CACNA1C: variants seen among roughly 807,000 people sequenced by gnomAD.
CACNA1C encodes calcium voltage-gated channel subunit alpha1 C, also known as voltage-dependent L-type calcium channel subunit alpha-1C.
Under a neutral mutation model 229.0 loss-of-function variants are expected in CACNA1C, and 30 were observed. That is an observed-to-expected ratio of 0.13 (90% confidence interval 0.10 to 0.18). The LOEUF (loss-of-function observed/expected upper bound fraction) is 0.18. Among genes scored for constraint, CACNA1C ranks in the 10% least tolerant of loss-of-function variants. The probability of loss-of-function intolerance (pLI) is 1.00; values close to 1 mark genes in which losing one functional copy is unlikely to be tolerated. For missense variants in CACNA1C, 1,658 were observed against 2,845.0 expected (o/e 0.58, Z 9.49); for synonymous variants, 1,114 against 1,132.5 (o/e 0.98, Z 0.33).
intron 9 of CACNA1C, among the ~76,000 whole-genome samples, chr12:2,521,625 C>T (rs886108018): frequency 1.3e-5 from 2 of 152,196 alleles, no homozygotes; most frequent in Non-Finnish European, 2.9e-5. Flanking sequence ...GATACAAAGC[C>T]GCCTTCCTCT....
chr12:1,974,530 T>C (rs893033020), intron 1 of CACNA1C, among the ~76,000 whole-genome samples: 3 of 152,174 alleles, frequency 2.0e-5, no homozygotes, highest in Non-Finnish European at 4.4e-5. Flanking sequence ...TTCTTCCTGA[T>C]TGACTACTTG....
chr12:2,297,776 CTG>C (rs933432799), intron 3 of CACNA1C, among the ~76,000 whole-genome samples: 37 of 152,208 alleles, frequency 2.4e-4, no homozygotes, highest in African/African-American at 8.7e-4. Flanking sequence ...ATACTTAAGT[CTG>C]TAATGTGCAT....
chr12:2,611,837 A>C, intron 28 of CACNA1C, 66 bp from the exon 29 acceptor site: 1 of 1,020,244 alleles, frequency 9.8e-7, no homozygotes, highest in Non-Finnish European at 1.5e-6. Context: ...AAGGCTGGGC[A>C]AAAGGTGGGG....
intron 3 of CACNA1C, among the ~76,000 whole-genome samples, chr12:2,268,715 A>G (rs139723049): frequency 1.1e-4 from 16 of 152,294 alleles, no homozygotes; most frequent in African/African-American, 2.4e-4. Flanking sequence ...GGGCTCCCCA[A>G]TGCTGAAGGT....
intron 3 of CACNA1C, among the ~76,000 whole-genome samples, chr12:2,266,135 C>G (rs2082307098): frequency 6.6e-6 from 1 of 152,228 alleles, no homozygotes; most frequent in Non-Finnish European, 1.5e-5. Context: ...ATGTGCCCAT[C>G]ATTGGGCAAA....
chr12:2,260,527 G>A (rs2079706126), intron 3 of CACNA1C, among the ~76,000 whole-genome samples: 4 of 144,726 alleles, frequency 2.8e-5, no homozygotes, highest in Admixed American at 2.7e-4. Context: ...AGAAAGAAAA[G>A]AAAGAAGAGA....
intron 10 of CACNA1C, among the ~76,000 whole-genome samples, chr12:2,553,239 G>A (rs1357641478): frequency 2.6e-5 from 4 of 152,180 alleles, no homozygotes; most frequent in African/African-American, 9.6e-5. Context: ...GGGGTGGGGG[G>A]CGGAAACCAC....
rs576728245 is a variant in CACNA1C, at chr12:2,282,191, C to T, written c.477+161761C>T. Among the ~76,000 whole-genome samples the T allele has an allele frequency of 5.3e-5, 8 of 152,266 alleles. No individual in the cohort carries two copies. In the South Asian group the frequency reaches 1.5e-3, roughly 28 times the overall value. On this transcript the variant is annotated intron_variant, in intron 3 of 46. Transcript: ENST00000399655. Reference sequence around the variant, plus strand: ...AAAGCCAAACTACCGATTGGAGATTCTGGAGGGAGGGAACACAGGGGGTGA... The same window carrying T: ...AAAGCCAAACTACCGATTGGAGATTTTGGAGGGAGGGAACACAGGGGGTGA...
intron 3 of CACNA1C, among the ~76,000 whole-genome samples, chr12:2,390,846 C>T (rs554678707): frequency 2.0e-5 from 3 of 152,202 alleles, no homozygotes; most frequent in South Asian, 2.1e-4. Context: ...TCTCTTTTTG[C>T]GTGAGTGCAA....
intron 3 of CACNA1C, among the ~76,000 whole-genome samples, chr12:2,249,623 C>T (rs904095263): frequency 1.3e-5 from 2 of 152,158 alleles, no homozygotes; most frequent in African/African-American, 2.4e-5. Flanking sequence ...GTGAAGTGGG[C>T]ACACAGAGGT....
intron 1 of CACNA1C, among the ~76,000 whole-genome samples, chr12:1,977,534 G>T (rs565056302): frequency 6.6e-6 from 1 of 152,276 alleles, no homozygotes; most frequent in African/African-American, 2.4e-5. Flanking sequence ...TGCGAATTTT[G>T]TTAAGTACAC....
chr12:2,564,040 C>T (rs1322804922), intron 11 of CACNA1C, among the ~76,000 whole-genome samples: 2 of 152,200 alleles, frequency 1.3e-5, no homozygotes, highest in African/African-American at 2.4e-5. Flanking sequence ...GAGAAACGGA[C>T]TCATGCCATG....
At chr12:2,192,813 T>C (rs1170392104) in intron 3 of CACNA1C, among the ~76,000 whole-genome samples, 2 of 150,482 alleles carry the variant, frequency 1.3e-5, no homozygotes, top group Middle Eastern at 3.2e-3. Flanking sequence ...GTGATACGTG[T>C]AGTGTGTGAT....
rs111383220 is a variant in CACNA1C, at chr12:2,215,892, A to G, written c.477+95462A>G. 3.9e-5 allele frequency among the ~76,000 whole-genome samples: 6 copies of G among 152,330 alleles called. No homozygotes were observed. Among genetic ancestry groups the G allele is most frequent in the African/African-American group, 1.4e-4 (6 of 41,568 alleles). ...GCCCTGCTGCCACCAGTGTGACATC[A>G]GCCGTGGTTGTGAAATTTCTGACAA... On this transcript the variant is annotated intron_variant, in intron 3 of 46. Transcript: ENST00000399655. This position sits in a 1 kb window ranked among gnomAD's most constrained non-coding sequence, Gnocchi z 5.0.
intron 3 of CACNA1C, among the ~76,000 whole-genome samples, chr12:2,185,533 A>G (rs1450368981): frequency 6.6e-6 from 1 of 152,212 alleles, no homozygotes; most frequent in Middle Eastern, 3.2e-3. Flanking sequence ...GCCTACTCCA[A>G]TATGATTGGA....
intron 3 of CACNA1C, among the ~76,000 whole-genome samples, chr12:2,303,089 A>T (rs1592171494): frequency 6.6e-6 from 1 of 152,226 alleles, no homozygotes; most frequent in Non-Finnish European, 1.5e-5. Context: ...CCTGGTCGGG[A>T]CCATGTTCCC....
chr12:2,682,492 A>T (rs1305563727), intron 42 of CACNA1C, 58 bp from the exon 43 acceptor site: 2 of 1,588,578 alleles, frequency 1.3e-6, no homozygotes, highest in Non-Finnish European at 1.7e-6. Flanking sequence ...TTACTTGCTG[A>T]AGGAAGTGGA....
chr12:2,109,212 C>G (rs2080580777), intron 1 of CACNA1C, among the ~76,000 whole-genome samples: 1 of 152,180 alleles, frequency 6.6e-6, no homozygotes, highest in African/African-American at 2.4e-5. Flanking sequence ...CCTTTTCCTA[C>G]TCACGGCTGA....
At chr12:2,183,216 T>C (rs1034798676) in intron 3 of CACNA1C, among the ~76,000 whole-genome samples, 1 of 150,862 alleles carries the variant, frequency 6.6e-6, no homozygotes, top group Non-Finnish European at 1.5e-5. Context: ...TGAGTTAATT[T>C]AGGGAAGCCA....
Sources: allele counts gnomAD v4.1 joint callset (sites outside exome capture counted in the v4.1 genomes callset), GRCh38; gene constraint gnomAD v4.1.1; non-coding constraint Gnocchi (gnomAD v3.1); transcripts MANE v1.5; gene names NCBI Gene and HGNC (gene_info 2026-07-23, HGNC 2026-07-21).